Variants in NBAS observed in about 807,000 individuals in gnomAD.
NBAS encodes the protein NAG/BC035112 fusion.
A neutral mutation model predicts 302.5 loss-of-function variants in NBAS; 219 were observed. The observed-to-expected ratio is 0.72, with a 90% CI of 0.65 to 0.81. The LOEUF (loss-of-function observed/expected upper bound fraction) is 0.81. Among genes scored for constraint, NBAS ranks in the 30% least tolerant of loss-of-function variants. The pLI is 0.00. For missense variants in NBAS, 2,932 were observed against 2,841.6 expected (o/e 1.03, Z -0.72); for synonymous variants, 1,118 against 1,021.6 (o/e 1.09, Z -1.80).
chr2:15,327,149 G>A (rs1398316019), intron 38 of NBAS, among the ~76,000 whole-genome samples: 2 of 152,100 alleles, frequency 1.3e-5, no homozygotes, highest in East Asian at 3.9e-4. Context: ...GCTGACATCT[G>A]AAATATAGAC....
At chr2:15,509,695 A>G (rs1014580301) in intron 10 of NBAS, among the ~76,000 whole-genome samples, 3 of 152,230 alleles carry the variant, frequency 2.0e-5, no homozygotes, top group Admixed American at 6.5e-5. Flanking sequence ...TTTGAAATCA[A>G]TATATTTTTT....
the NBAS span, among the ~76,000 whole-genome samples, chr2:14,961,965 G>A: frequency 1.8e-4 from 27 of 152,100 alleles, no homozygotes; most frequent in African/African-American, 5.3e-4. Context: ...TATTTTTAGG[G>A]GAGATGGGGT....
At chr2:14,964,161 A>G in the NBAS span, among the ~76,000 whole-genome samples, 1 of 152,358 alleles carries the variant, frequency 6.6e-6, no homozygotes, top group South Asian at 2.1e-4. Context: ...CCAGGCATGC[A>G]AAGCAGCAGA....
At chr2:14,841,789 A>G in the NBAS span, among the ~76,000 whole-genome samples, 1 of 151,998 alleles carries the variant, frequency 6.6e-6, no homozygotes, top group African/African-American at 2.4e-5. Flanking sequence ...TTATTCAGAA[A>G]GAAAATCAAC....
chr2:15,092,963 G>C, the NBAS span, among the ~76,000 whole-genome samples: 126 of 152,226 alleles, frequency 8.3e-4, 1 homozygote, highest in East Asian at 0.016. Flanking sequence ...AATGTAAATG[G>C]AATTTTTCTA....
Position 15,539,203 on chromosome 2 carries a change from A to C in NBAS, c.513+20T>G, listed in dbSNP as rs1663673546. The C allele has an allele frequency of 6.2e-7, 1 of 1,614,018 alleles. No individual in the cohort carries two copies. Among genetic ancestry groups the C allele is most frequent in the African/African-American group, 1.3e-5 (1 of 74,936 alleles). ...ATGACATTGAAAAAACTATGTTTTC[A>C]ATTTAAGCTATGTACATACCGGGGA... On this transcript the variant is annotated intron_variant, in intron 7 of 51. Coordinates refer to ENST00000281513, the MANE Select transcript of NBAS (RefSeq NM_015909.4).
the NBAS span, among the ~76,000 whole-genome samples, chr2:15,053,941 GAAA>G: frequency 6.8e-6 from 1 of 146,080 alleles, no homozygotes; most frequent in African/African-American, 2.5e-5. Flanking sequence ...CCCTCCTTGT[GAAA>G]AAAAAAAAAT....
the NBAS span, among the ~76,000 whole-genome samples, chr2:14,970,408 T>C: frequency 6.6e-6 from 1 of 152,194 alleles, no homozygotes; most frequent in African/African-American, 2.4e-5. Flanking sequence ...ACTCCATCAC[T>C]GAACAAGTAA....
intron 30 of NBAS, among the ~76,000 whole-genome samples, chr2:15,378,607 T>C (rs1353650604): frequency 6.6e-6 from 1 of 152,234 alleles, no homozygotes; most frequent in Non-Finnish European, 1.5e-5. Flanking sequence ...TCCATTAGCC[T>C]ACAGTTTGGC....
chr2:15,552,757 T>G (rs1003347621), intron 5 of NBAS, among the ~76,000 whole-genome samples: 6 of 151,750 alleles, frequency 4.0e-5, no homozygotes, highest in Admixed American at 1.3e-4. Flanking sequence ...TCATATTCCA[T>G]CTACAGTTTT....
chr2:15,281,168 A>C (rs1669808236), intron 42 of NBAS, among the ~76,000 whole-genome samples: 1 of 152,200 alleles, frequency 6.6e-6, no homozygotes, highest in Non-Finnish European at 1.5e-5. Context: ...GAACAGAGTG[A>C]GAATGTTGAA....
At chr2:14,906,697 A>G in the NBAS span, among the ~76,000 whole-genome samples, 231 of 152,258 alleles carry the variant, frequency 1.5e-3, 1 homozygote, top group African/African-American at 4.3e-3. Context: ...ACAAGACCCA[A>G]TGGCCTGGCT....
At chr2:15,031,886 C>T in the NBAS span, among the ~76,000 whole-genome samples, 2 of 152,178 alleles carry the variant, frequency 1.3e-5, no homozygotes, top group Non-Finnish European at 2.9e-5. Context: ...CAGGGAGGGC[C>T]TCCTGAAAGC....
At chr2:14,982,978 G>A in the NBAS span, among the ~76,000 whole-genome samples, 1 of 152,130 alleles carries the variant, frequency 6.6e-6, no homozygotes, top group Non-Finnish European at 1.5e-5. Context: ...AACCAGGTAC[G>A]GGAGGAGTAG....
At chr2:14,794,261 A>T in the NBAS span, among the ~76,000 whole-genome samples, 2 of 152,154 alleles carry the variant, frequency 1.3e-5, no homozygotes, top group Admixed American at 6.6e-5. Context: ...GCGCATCCTT[A>T]ACTTTGGCAA....
intron 21 of NBAS, among the ~76,000 whole-genome samples, chr2:15,439,553 G>A (rs1678230927): frequency 6.6e-6 from 1 of 152,198 alleles, no homozygotes; most frequent in Non-Finnish European, 1.5e-5. Context: ...CAACAGCTCT[G>A]GTCTACAGCT....
At chr2:15,127,199 C>T in the NBAS span, among the ~76,000 whole-genome samples, 1 of 152,204 alleles carries the variant, frequency 6.6e-6, no homozygotes, top group African/African-American at 2.4e-5. Flanking sequence ...GCAGGTCCTG[C>T]CTCATGGCCT....
At chr2:15,527,897 A>C (rs1233141021) in intron 9 of NBAS, among the ~76,000 whole-genome samples, 1 of 152,158 alleles carries the variant, frequency 6.6e-6, no homozygotes, top group Non-Finnish European at 1.5e-5. Context: ...CCCAGCCTCT[A>C]GTATCTCCCT....
At position 15,511,301 on chromosome 2, in the gene NBAS, C is replaced by T. The variant is rs761523078; in HGVS notation, c.796G>A (p.Ala266Thr). The T allele has an allele frequency of 6.2e-7, 1 of 1,614,066 alleles. No homozygotes were observed. ...CAGGCAGAAAGGCCACAGCTAGAAG[C>T]TTTTGACATGCCTACTTCAGCAGTT... ...CETAEVGMSK[A>T]SSCGLSAWRV... Residue 266 changes from alanine (A) to threonine (T), a missense_variant, in exon 10 of 52, where the codon GCT becomes ACT. Transcript: ENST00000281513.
Sources: allele counts gnomAD v4.1 joint callset (sites outside exome capture counted in the v4.1 genomes callset), GRCh38; gene constraint gnomAD v4.1.1; transcripts MANE v1.5; gene names NCBI Gene and HGNC (gene_info 2026-07-23, HGNC 2026-07-21).